RASSF5: variants seen among roughly 807,000 people sequenced by gnomAD.
RASSF5 encodes ras association domain-containing protein 5.
In RASSF5, 25 loss-of-function variants were observed where a neutral mutation model predicts 40.5. The ratio of observed to expected loss-of-function variants is 0.62; its 90% CI spans 0.45 to 0.86. RASSF5 has a LOEUF of 0.86. RASSF5 is among the 40% of genes least tolerant of loss of function. RASSF5 has a pLI of 0.00. For missense variants in RASSF5, 521 were observed against 572.8 expected, an observed-to-expected ratio of 0.91 and a Z score of 0.92; for synonymous variants, 246 against 252.4, an observed-to-expected ratio of 0.97 and a Z score of 0.24.
intron 1 of RASSF5, among the ~76,000 whole-genome samples, chr1:206,519,888 C>T (rs1311597787): frequency 6.6e-6 from 1 of 152,204 alleles, no homozygotes; most frequent in Non-Finnish European, 1.5e-5. Flanking sequence ...AATTTATCCT[C>T]ATCAATATCC....
Position 206,589,316 on chromosome 1 carries a change from G to A in RASSF5, c.*2338G>A, listed in dbSNP as rs574114990. ...TCTCCCTTGAACTTCACCATCTTACGGACACTGGGAGCGGGGGAGAGAGGG... is the reference window on the plus strand; with the variant it reads ...TCTCCCTTGAACTTCACCATCTTACAGACACTGGGAGCGGGGGAGAGAGGG... On this transcript the variant is annotated 3_prime_UTR_variant, in exon 6 of 6. Coordinates refer to ENST00000579436, the MANE Select transcript of RASSF5 (RefSeq NM_182663.4). The A allele has an allele frequency of 2.6e-5, 4 of 152,858 alleles. No individual in the cohort carries two copies. Among genetic ancestry groups the A allele is most frequent in the African/African-American group, 9.6e-5 (4 of 41,554 alleles). The allele number at this position is 152,858 out of a possible 1,614,324, so 9.5% of individuals were successfully genotyped here. A position where few individuals can be genotyped will look rare whatever the true frequency, so the allele number is the denominator to read the frequency against.
chr1:206,512,371 G>A (rs558969999), intron 1 of RASSF5, among the ~76,000 whole-genome samples: 204 of 152,272 alleles, frequency 1.3e-3, no homozygotes, highest in Non-Finnish European at 2.3e-3. Flanking sequence ...GATTAAATGT[G>A]CGCTTAATTT....
intron 2 of RASSF5, among the ~76,000 whole-genome samples, chr1:206,577,652 A>G (rs1302150349): frequency 2.0e-5 from 3 of 152,212 alleles, no homozygotes; most frequent in Non-Finnish European, 4.4e-5. Flanking sequence ...GATCTGGGAC[A>G]CCATAGAGGA....
chr1:206,588,988 T>C lies in RASSF5; in HGVS notation c.*2010T>C, dbSNP rs1297924682. 6.5e-6 allele frequency: 1 copy of C among 152,708 alleles called. No individual in the cohort carries two copies. The highest frequency in any genetic ancestry group is 1.5e-5 in the Non-Finnish European group (1 of 68,022). 9.5% of individuals were successfully genotyped at this position (152,708 alleles called of 1,614,324 possible). ...ATGTATATATACACATAAAGGCATA[T>C]AGCTATATATAAAGAGATAAGGGTG... On this transcript the variant is annotated 3_prime_UTR_variant, in exon 6 of 6. Coordinates refer to ENST00000579436, the MANE Select transcript of RASSF5 (RefSeq NM_182663.4).
At chr1:206,546,746 A>T (rs1446898698) in intron 2 of RASSF5, among the ~76,000 whole-genome samples, 1 of 152,234 alleles carries the variant, frequency 6.6e-6, no homozygotes, top group East Asian at 1.9e-4. Context: ...ATTAGCCTAT[A>T]ATTGGGCAAA....
rs1668785324 is a variant in RASSF5, at chr1:206,579,492, C to T, written c.580-3777C>T. On this transcript the variant is annotated intron_variant, in intron 2 of 5. Transcript: ENST00000579436. The surrounding 1 kb of genome is among the most constrained non-coding windows in gnomAD (Gnocchi z 4.2). ...ATTGCTATAGTATCGATCTCGCTCTCATGGCAGATAGTGCCTGTTAGGTAA... is the reference window on the plus strand; with the variant it reads ...ATTGCTATAGTATCGATCTCGCTCTTATGGCAGATAGTGCCTGTTAGGTAA... Among the ~76,000 whole-genome samples the T allele has an allele frequency of 6.6e-6, 1 of 152,186 alleles. No homozygotes were observed. The highest frequency in any genetic ancestry group is 1.5e-5 in the Non-Finnish European group (1 of 68,024).
At chr1:206,568,060 C>T (rs902639264) in intron 2 of RASSF5, among the ~76,000 whole-genome samples, 1 of 152,246 alleles carries the variant, frequency 6.6e-6, no homozygotes, top group African/African-American at 2.4e-5. Flanking sequence ...AGCTCTTGAC[C>T]TCACAAAGGA....
chr1:206,525,194 T>C (rs2103512246), intron 1 of RASSF5, among the ~76,000 whole-genome samples: 1 of 152,258 alleles, frequency 6.6e-6, no homozygotes, highest in Admixed American at 6.5e-5. Context: ...TGGAGATGGA[T>C]GATTAATGTG....
chr1:206,536,015 G>A (rs1436382322), intron 1 of RASSF5, among the ~76,000 whole-genome samples: 3 of 152,154 alleles, frequency 2.0e-5, no homozygotes, highest in Non-Finnish European at 4.4e-5. Flanking sequence ...GTGTGTCCCA[G>A]GGCCAGCGCC....
At chr1:206,528,506 C>T (rs1553397523) in intron 1 of RASSF5, among the ~76,000 whole-genome samples, 1 of 152,040 alleles carries the variant, frequency 6.6e-6, no homozygotes, top group Admixed American at 6.6e-5. Context: ...TACATGTGTC[C>T]ACAGCCATAG....
In RASSF5 at chr1:206,585,309, C is replaced by T. The variant is rs781955638; in HGVS notation, c.1104+14C>T. 6.2e-7 allele frequency: 1 copy of T among 1,604,626 alleles called. No individual in the cohort carries two copies. Among genetic ancestry groups the T allele is most frequent in the South Asian group, 1.1e-5 (1 of 90,884 alleles). ...GGAGAGGTAGAGGTAGGTCTGGACCCATTGTGCAAACCCAGGCCTTAGGGC... is the reference window on the plus strand; with the variant it reads ...GGAGAGGTAGAGGTAGGTCTGGACCTATTGTGCAAACCCAGGCCTTAGGGC... On this transcript the variant is annotated intron_variant, in intron 5 of 5. Coordinates refer to ENST00000579436, the MANE Select transcript of RASSF5 (RefSeq NM_182663.4).
chr1:206,556,508 A>C (rs1419903171), intron 2 of RASSF5, among the ~76,000 whole-genome samples: 1 of 152,164 alleles, frequency 6.6e-6, no homozygotes, highest in Admixed American at 6.5e-5. Flanking sequence ...AGCCCTTCTC[A>C]ATGTTAGGAA....
At position 206,552,966 on chromosome 1, in the gene RASSF5, G is replaced by A. The variant is rs1667882836; in HGVS notation, c.579+14673G>A. Among the ~76,000 whole-genome samples the A allele has an allele frequency of 6.6e-6, 1 of 152,162 alleles. No individual in the cohort carries two copies. The highest frequency in any genetic ancestry group is 2.4e-5 in the African/African-American group (1 of 41,438). On this transcript the variant is annotated intron_variant, in intron 2 of 5. Coordinates refer to ENST00000579436, the MANE Select transcript of RASSF5 (RefSeq NM_182663.4). The surrounding 1 kb of genome is among the most constrained non-coding windows in gnomAD (Gnocchi z 4.1). ...CACCTGTAATCCCAGCACTTTGGGA[G>A]GCCGAGGCAGGCAGATCACGAGGTC...
At chr1:206,523,438 TATATATA>T (rs1413530490) in intron 1 of RASSF5, among the ~76,000 whole-genome samples, 31 of 116,386 alleles carry the variant, frequency 2.7e-4, no homozygotes, top group South Asian at 1.3e-3. Context: ...TAATATATTT[TATATATA>T]ATATATAATA....
Position 206,589,231 on chromosome 1 carries a change from A to G in RASSF5, c.*2253A>G, listed in dbSNP as rs1325119621. 1 of 152,684 alleles carries G rather than the reference A, an allele frequency of 6.5e-6. No homozygotes were observed. The highest frequency in any genetic ancestry group is 1.5e-5 in the Non-Finnish European group (1 of 68,026). 9.5% of individuals were successfully genotyped at this position (152,684 alleles called of 1,614,324 possible). On this transcript the variant is annotated 3_prime_UTR_variant, in exon 6 of 6. Coordinates refer to ENST00000579436, the MANE Select transcript of RASSF5 (RefSeq NM_182663.4). ...TATTTTCTTTTTAAATGTCTTTCTT[A>G]TATGGGTTTTAAAAAAAAGTAATAA...
chr1:206,537,098 G>T (rs1553398785), intron 1 of RASSF5, among the ~76,000 whole-genome samples: 1 of 152,102 alleles, frequency 6.6e-6, no homozygotes, highest in Non-Finnish European at 1.5e-5. Flanking sequence ...CTGCCAGGAG[G>T]CTCCAAAGAG....
chr1:206,538,381 A>G (rs1667470592), intron 2 of RASSF5, 88 bp downstream of exon 2: 17 of 1,567,102 alleles, frequency 1.1e-5, no homozygotes, highest in Non-Finnish European at 1.5e-5. Context: ...TCTGGTGAGC[A>G]GGAGGTGGCA....
chr1:206,522,319 G>T (rs1427737732), intron 1 of RASSF5, among the ~76,000 whole-genome samples: 2 of 152,140 alleles, frequency 1.3e-5, no homozygotes, highest in Non-Finnish European at 2.9e-5. Flanking sequence ...GTAGAAAAAG[G>T]TTTAGTTCTC....
chr1:206,509,507 C>T (rs1666560368), intron 1 of RASSF5, among the ~76,000 whole-genome samples: 1 of 152,228 alleles, frequency 6.6e-6, no homozygotes, highest in South Asian at 2.1e-4. Context: ...GAATCAAATG[C>T]AACTTATCCT....
Sources: gnomAD v4.1 joint callset for allele counts (sites outside exome capture counted in the v4.1 genomes callset) on GRCh38, gnomAD v4.1.1 for gene constraint, Gnocchi (gnomAD v3.1) non-coding constraint, MANE v1.5 for transcripts, NCBI Gene and HGNC (gene_info 2026-07-23, HGNC 2026-07-21) for gene names.